MYO6: variants seen among roughly 807,000 people sequenced by gnomAD.
MYO6 encodes myosin VI.
Under a neutral mutation model 178.7 loss-of-function variants are expected in MYO6, and 74 were observed. The ratio of observed to expected loss-of-function variants is 0.41; its 90% CI spans 0.34 to 0.50. The LOEUF is 0.50. Ranked by LOEUF, MYO6 falls within the 20% of genes least tolerant of loss-of-function variation. The probability of loss-of-function intolerance (pLI) is 0.09; values close to 1 mark genes in which losing one functional copy is unlikely to be tolerated. For missense variants in MYO6, 1,330 were observed against 1,547.4 expected (o/e 0.86, Z 2.36); for synonymous variants, 477 against 504.6 (o/e 0.95, Z 0.73).
At chr6:75,825,317 G>A (rs1772350637) in intron 3 of MYO6, among the ~76,000 whole-genome samples, 1 of 152,158 alleles carries the variant, frequency 6.6e-6, no homozygotes, top group Non-Finnish European at 1.5e-5. Context: ...AAGAAACCGG[G>A]CGCAGTGGCC....
chr6:75,870,786 C>T, intron 19 of MYO6, 101 bp downstream of exon 19: 4 of 899,114 alleles, frequency 4.4e-6, no homozygotes, highest in Admixed American at 2.5e-5. Flanking sequence ...ATTAAAAATA[C>T]ATTTTAAACT....
At chr6:75,905,582 C>CGGTGCG (rs1780239514) in intron 30 of MYO6, among the ~76,000 whole-genome samples, 2 of 152,234 alleles carry the variant, frequency 1.3e-5, no homozygotes, top group Admixed American at 1.3e-4. Context: ...TTGGCTGGCA[C>CGGTGCG]ACGGTGCGCG....
intron 19 of MYO6, among the ~76,000 whole-genome samples, chr6:75,872,588 T>C (rs1436808645): frequency 6.6e-6 from 1 of 152,178 alleles, no homozygotes. Flanking sequence ...AAAAATCACA[T>C]GTACATCAGC....
intron 1 of MYO6, among the ~76,000 whole-genome samples, chr6:75,787,678 CT>C (rs1767718555): frequency 1.7e-4 from 2 of 12,090 alleles, no homozygotes; most frequent in East Asian, 1.7e-3. Flanking sequence ...TGGAACTATT[CT>C]CTCTCTCTCT....
intron 1 of MYO6, among the ~76,000 whole-genome samples, chr6:75,816,249 A>G (rs561832688): frequency 6.6e-6 from 1 of 152,388 alleles, no homozygotes; most frequent in South Asian, 2.1e-4. Context: ...GACATGAAAG[A>G]ATACATACTG....
chr6:75,818,381 G>A (rs529260336), intron 2 of MYO6, among the ~76,000 whole-genome samples: 32 of 152,244 alleles, frequency 2.1e-4, no homozygotes, highest in Admixed American at 5.2e-4. Flanking sequence ...GTGAGGGGAA[G>A]TTTTCCAGAG....
At chr6:75,898,495 T>C in intron 30 of MYO6, 84 bp downstream of exon 30, 1 of 1,139,480 alleles carries the variant, frequency 8.8e-7, no homozygotes, top group Admixed American at 1.7e-5. Flanking sequence ...GACCAGAACC[T>C]GTTACATGAG....
At chr6:75,885,432 A>C (rs1258029193) in intron 23 of MYO6, among the ~76,000 whole-genome samples, 1 of 151,592 alleles carries the variant, frequency 6.6e-6, no homozygotes, top group Non-Finnish European at 1.5e-5. Flanking sequence ...CCTACTCAGG[A>C]GGCTGAGGCA....
chr6:75,858,530 C>T (rs567791539), intron 13 of MYO6, among the ~76,000 whole-genome samples: 7 of 152,164 alleles, frequency 4.6e-5, no homozygotes, highest in African/African-American at 7.2e-5. Flanking sequence ...CACTTGAACC[C>T]GGGGGCGGAG....
chr6:75,790,793 G>T (rs966866962), intron 1 of MYO6, among the ~76,000 whole-genome samples: 1 of 152,080 alleles, frequency 6.6e-6, no homozygotes, highest in Non-Finnish European at 1.5e-5. Flanking sequence ...AATTTTTGTA[G>T]GAGATAATTG....
At chr6:75,889,530 C>T (rs904357008) in intron 25 of MYO6, among the ~76,000 whole-genome samples, 1 of 152,152 alleles carries the variant, frequency 6.6e-6, no homozygotes, top group East Asian at 1.9e-4. Flanking sequence ...GCCTCAGCCT[C>T]CCGAGTAGCT....
Position 75,862,694 on chromosome 6 carries a change from C to G in MYO6, c.1645C>G (p.Gln549Glu), listed in dbSNP as rs1424474980. The change falls in exon 16 of 35, where the codon CAA (glutamine) becomes GAA (glutamate). Residue 549 changes from glutamine (Q) to glutamate (E), a missense_variant. Physicochemically the swap from Gln to Glu is conservative, Grantham distance 29 (BLOSUM62 2). Coordinates refer to ENST00000369977, the MANE Select transcript of MYO6 (RefSeq NM_004999.4). ...SDQHFTSAVH[Q>E]KHKDHFRLTI... ...TCAACACTTTACATCTGCAGTTCACCAAAAGCACAAGGATCATTTTCGACT... is the reference window on the plus strand; with the variant it reads ...TCAACACTTTACATCTGCAGTTCACGAAAAGCACAAGGATCATTTTCGACT... 5 of 1,613,896 alleles carry G rather than the reference C, an allele frequency of 3.1e-6. No individual in the cohort carries two copies. Among genetic ancestry groups the G allele is most frequent in the Admixed American group, 1.7e-5 (1 of 59,988 alleles).
At chr6:75,829,638 T>C (rs1273142721) in intron 4 of MYO6, among the ~76,000 whole-genome samples, 3 of 22,894 alleles carry the variant, frequency 1.3e-4, no homozygotes. Context: ...TTCTCCCTGA[T>C]TTTTTCAAAA....
At position 75,873,462 on chromosome 6, in the gene MYO6, C is replaced by T. The variant is rs145018676; in HGVS notation, c.2077+162C>T. On this transcript the variant is annotated intron_variant, in intron 20 of 34. Coordinates refer to ENST00000369977, the MANE Select transcript of MYO6 (RefSeq NM_004999.4). The stretch of plus-strand genomic sequence containing the variant: ...TAATTATAAGAAAAGTATAGAGCCA[C>T]ATGTGGTGGTGTACACCTGTAGTCC... 7.2e-5 allele frequency among the ~76,000 whole-genome samples: 11 copies of T among 152,268 alleles called. No individual in the cohort carries two copies. The East Asian group carries it at 2.1e-3, about 29-fold the overall frequency.
rs1269267293 is a variant in MYO6, at chr6:75,881,676, T to C, written c.2287-13T>C. 1.9e-6 allele frequency: 3 copies of C among 1,611,472 alleles called. No homozygotes were observed. Among genetic ancestry groups the C allele is most frequent in the Non-Finnish European group, 2.5e-6 (3 of 1,177,918 alleles). On this transcript the variant is annotated splice_polypyrimidine_tract_variant and intron_variant, in intron 22 of 34. Transcript: ENST00000369977. ...ATATTTTAATACTGATACTAAATTA[T>C]TTCACTTCCTAGTTTGCAGAATTTG...
chr6:75,809,900 T>TAAA (rs1178309622), intron 1 of MYO6, among the ~76,000 whole-genome samples: 6 of 80,236 alleles, frequency 7.5e-5, no homozygotes, highest in African/African-American at 1.4e-4. Context: ...TTGTCTCTGC[T>TAAA]AAAAAAAAAA....
At chr6:75,830,800 G>A (rs1049991769) in intron 5 of MYO6, among the ~76,000 whole-genome samples, 1 of 152,172 alleles carries the variant, frequency 6.6e-6, no homozygotes, top group South Asian at 2.1e-4. Context: ...TCCTCTAAGA[G>A]ATGTCTGCCC....
chr6:75,844,329 C>A (rs528167590), intron 9 of MYO6, among the ~76,000 whole-genome samples: 1 of 151,970 alleles, frequency 6.6e-6, no homozygotes, highest in South Asian at 2.1e-4. Context: ...AATAAGAAAA[C>A]TTTAAATTAT....
chr6:75,770,991 CTTTTTTTTTTCTT>C (rs1765828570), intron 1 of MYO6, among the ~76,000 whole-genome samples: 1 of 145,592 alleles, frequency 6.9e-6, no homozygotes, highest in African/African-American at 2.5e-5. Context: ...GATAACAGCA[CTTTTTTTTTTCTT>C]TTTTTTTTTT....
Sources: gnomAD v4.1 joint callset for allele counts (sites outside exome capture counted in the v4.1 genomes callset) on GRCh38, gnomAD v4.1.1 for gene constraint, MANE v1.5 for transcripts, NCBI Gene and HGNC (gene_info 2026-07-23, HGNC 2026-07-21) for gene names.